RBFOX1: variants seen among roughly 807,000 people sequenced by gnomAD.
RBFOX1 encodes the protein RNA binding protein fox-1 homolog 1.
Under a neutral mutation model 57.7 loss-of-function variants are expected in RBFOX1, and 8 were observed. The ratio of observed to expected loss-of-function variants is 0.14; its 90% CI spans 0.08 to 0.25. The LOEUF is 0.25. Ranked by LOEUF, RBFOX1 falls within the 10% of genes least tolerant of loss-of-function variation. The pLI is 1.00. For missense variants in RBFOX1, 611 were observed against 548.5 expected (o/e 1.11, Z -1.14); for synonymous variants, 326 against 222.4 (o/e 1.47, Z -4.15).
At chr16:6,243,908 A>C (rs118175625) in intron 1 of RBFOX1, among the ~76,000 whole-genome samples, 2 of 152,064 alleles carry the variant, frequency 1.3e-5, no homozygotes, top group Non-Finnish European at 2.9e-5. Flanking sequence ...TTGTATCAAC[A>C]CTCATGTTGG....
At chr16:6,856,057 G>A (rs188792604) in intron 3 of RBFOX1, among the ~76,000 whole-genome samples, 4 of 151,076 alleles carry the variant, frequency 2.6e-5, no homozygotes, top group Admixed American at 1.3e-4. Context: ...TGTCTCTCTG[G>A]GTTAATGGAC....
chr16:7,031,997 C>T (rs940624131), intron 3 of RBFOX1, among the ~76,000 whole-genome samples: 8 of 152,286 alleles, frequency 5.3e-5, no homozygotes, highest in South Asian at 2.1e-4. Flanking sequence ...GTTAGTATGG[C>T]CTCCTGGCTT....
intron 1 of RBFOX1, among the ~76,000 whole-genome samples, chr16:5,260,130 G>T (rs1478647700): frequency 6.6e-6 from 1 of 152,202 alleles, no homozygotes; most frequent in Admixed American, 6.5e-5. Context: ...AAGCCTGGGA[G>T]GTGGAGGTTT....
At chr16:7,472,317 T>C (rs749479973) in intron 4 of RBFOX1, among the ~76,000 whole-genome samples, 4 of 139,540 alleles carry the variant, frequency 2.9e-5, no homozygotes, top group Admixed American at 7.0e-5. Context: ...AATTACCAAA[T>C]AGTAATTTGG....
chr16:6,946,766 C>T (rs1031984882), intron 3 of RBFOX1, among the ~76,000 whole-genome samples: 1 of 152,034 alleles, frequency 6.6e-6, no homozygotes, highest in Non-Finnish European at 1.5e-5. Flanking sequence ...CTCTGCCCAA[C>T]TAATTATTTT....
At chr16:6,292,825 G>T (rs2077611528) in intron 1 of RBFOX1, among the ~76,000 whole-genome samples, 1 of 152,152 alleles carries the variant, frequency 6.6e-6, no homozygotes, top group African/African-American at 2.4e-5. Flanking sequence ...CTCAGCCTGG[G>T]AGCTACATTT....
At chr16:6,087,114 G>A (rs1373629369) in intron 1 of RBFOX1, among the ~76,000 whole-genome samples, 2 of 152,200 alleles carry the variant, frequency 1.3e-5, no homozygotes, top group Non-Finnish European at 2.9e-5. Flanking sequence ...ATTTCCGTCA[G>A]CAAATTTAGA....
chr16:6,663,119 G>T (rs2098711574), intron 3 of RBFOX1, among the ~76,000 whole-genome samples: 3 of 152,170 alleles, frequency 2.0e-5, no homozygotes, highest in Non-Finnish European at 4.4e-5. Flanking sequence ...AGGGTGGAAG[G>T]CAGACTGGAG....
chr16:7,469,332 G>A (rs1259488642), intron 4 of RBFOX1, among the ~76,000 whole-genome samples: 1 of 152,088 alleles, frequency 6.6e-6, no homozygotes, highest in Non-Finnish European at 1.5e-5. Flanking sequence ...AAAGTGCTGG[G>A]ATTATAGGCG....
In RBFOX1 at chr16:7,581,536, C is replaced by T. The variant is rs573565778; in HGVS notation, c.414+1616C>T. Among the ~76,000 whole-genome samples, 8 of 152,172 alleles carry T rather than the reference C, an allele frequency of 5.3e-5. No individual in the cohort carries two copies. The South Asian group carries it at 1.0e-3, about 20-fold the overall frequency. Reference sequence around the variant, plus strand: ...CTCTTTCATGGTGTCACTCAGTTATCGTGAAAGTTACTGCAGGCTACAATG... The same window carrying T: ...CTCTTTCATGGTGTCACTCAGTTATTGTGAAAGTTACTGCAGGCTACAATG... On this transcript the variant is annotated intron_variant, in intron 6 of 15. Transcript: ENST00000550418.
intron 1 of RBFOX1, among the ~76,000 whole-genome samples, chr16:5,462,029 T>C (rs983124274): frequency 6.6e-6 from 1 of 152,042 alleles, no homozygotes; most frequent in Admixed American, 6.6e-5. Flanking sequence ...CCACCAGTGG[T>C]GTAGGAGGGT....
At chr16:7,236,748 A>C (rs1254375253) in intron 4 of RBFOX1, among the ~76,000 whole-genome samples, 1 of 152,120 alleles carries the variant, frequency 6.6e-6, no homozygotes, top group African/African-American at 2.4e-5. Flanking sequence ...CAGTGGCCTG[A>C]ATTATTCAGC....
intron 2 of RBFOX1, among the ~76,000 whole-genome samples, chr16:5,475,702 A>G (rs1356438997): frequency 1.3e-5 from 2 of 152,230 alleles, no homozygotes; most frequent in Non-Finnish European, 2.9e-5. Flanking sequence ...CACTGTTTAA[A>G]TGGTGAAGGT....
At chr16:5,470,223 T>A (rs2069088307) in intron 2 of RBFOX1, among the ~76,000 whole-genome samples, 1 of 152,308 alleles carries the variant, frequency 6.6e-6, no homozygotes, top group South Asian at 2.1e-4. Flanking sequence ...ATGTGGAACA[T>A]CAGCCCTGGG....
chr16:5,289,868 A>G (rs976120790), intron 1 of RBFOX1, among the ~76,000 whole-genome samples: 29 of 152,218 alleles, frequency 1.9e-4, no homozygotes, highest in Non-Finnish European at 3.7e-4. Flanking sequence ...CAGCACTTCT[A>G]CTCCAGTTTA....
At chr16:7,193,586 C>G (rs2085961533) in intron 4 of RBFOX1, among the ~76,000 whole-genome samples, 1 of 152,174 alleles carries the variant, frequency 6.6e-6, no homozygotes, top group South Asian at 2.1e-4. Flanking sequence ...ACATGCATTA[C>G]CGTCCTTGAT....
chr16:5,691,937 C>T (rs1762728307), intron 3 of RBFOX1, among the ~76,000 whole-genome samples: 1 of 152,136 alleles, frequency 6.6e-6, no homozygotes. Flanking sequence ...TTGTGGTCAT[C>T]TTGCTGTGAG....
chr16:6,211,674 G>A (rs2097298985), intron 1 of RBFOX1, among the ~76,000 whole-genome samples: 1 of 152,054 alleles, frequency 6.6e-6, no homozygotes, highest in South Asian at 2.1e-4. Context: ...CTCTAGGTAT[G>A]GCCTTTCCTA....
At chr16:6,471,401 T>C (rs2095171423) in intron 2 of RBFOX1, among the ~76,000 whole-genome samples, 1 of 152,172 alleles carries the variant, frequency 6.6e-6, no homozygotes, top group Admixed American at 6.5e-5. Context: ...TAGTTTCTAT[T>C]ATAATACTTG....
Sources: allele counts gnomAD v4.1 joint callset (sites outside exome capture counted in the v4.1 genomes callset), GRCh38; gene constraint gnomAD v4.1.1; transcripts MANE v1.5; gene names NCBI Gene and HGNC (gene_info 2026-07-23, HGNC 2026-07-21).